The following CTNNA2 variants were observed in gnomAD, a reference collection of about 807,000 sequenced individuals.
CTNNA2 encodes catenin alpha 2.
CTNNA2 carries 42 observed loss-of-function variants against 101.0 expected under a neutral mutation model. The observed-to-expected ratio is 0.42, with a 90% CI of 0.32 to 0.54. CTNNA2 has a LOEUF of 0.54. Ranked by LOEUF, CTNNA2 falls within the 20% of genes least tolerant of loss-of-function variation. CTNNA2 has a pLI of 0.14. For missense variants in CTNNA2, 871 were observed against 1,223.1 expected, an observed-to-expected ratio of 0.71 and a Z score of 4.29; for synonymous variants, 450 against 456.4, an observed-to-expected ratio of 0.99 and a Z score of 0.18.
intron 2 of CTNNA2, among the ~76,000 whole-genome samples, chr2:79,301,927 CAA>C (rs1416015118): frequency 6.6e-6 from 1 of 151,766 alleles, no homozygotes; most frequent in African/African-American, 2.4e-5. Context: ...TCTGTCTCTA[CAA>C]AAAATACAAA....
intron 2 of CTNNA2, among the ~76,000 whole-genome samples, chr2:79,692,805 T>A (rs1198675920): frequency 7.1e-6 from 1 of 140,038 alleles, no homozygotes. Flanking sequence ...TTCTCACTCA[T>A]AAGTAGGAGT....
At chr2:79,428,760 A>C (rs1678619508) in intron 4 of CTNNA2, among the ~76,000 whole-genome samples, 1 of 152,176 alleles carries the variant, frequency 6.6e-6, no homozygotes, top group African/African-American at 2.4e-5. Flanking sequence ...TAAATGGGTC[A>C]GTAGATAGCT....
chr2:80,345,402 G>T (rs531025971), intron 7 of CTNNA2, among the ~76,000 whole-genome samples: 1 of 152,186 alleles, frequency 6.6e-6, no homozygotes, highest in African/African-American at 2.4e-5. Context: ...TTGCTCAAGT[G>T]GCACCTCCTC....
chr2:79,207,097 A>T (rs1674109692), intron 2 of CTNNA2, among the ~76,000 whole-genome samples: 1 of 152,218 alleles, frequency 6.6e-6, no homozygotes, highest in Non-Finnish European at 1.5e-5. Context: ...AGTGCCAGAT[A>T]TTCTATTAAA....
chr2:79,698,037 A>G (rs1036749926), intron 2 of CTNNA2: 1 of 152,084 alleles, frequency 6.6e-6, no homozygotes, highest in African/African-American at 2.4e-5. Flanking sequence ...GTGATAAAAT[A>G]TTCCTGTCCA....
intron 7 of CTNNA2, among the ~76,000 whole-genome samples, chr2:80,248,737 G>T (rs187342428): frequency 6.8e-4 from 103 of 152,208 alleles, no homozygotes; most frequent in African/African-American, 2.3e-3. Context: ...CACTGTGGGT[G>T]GTAGCAAATA....
intron 1 of CTNNA2, among the ~76,000 whole-genome samples, chr2:79,521,472 A>T (rs1023246493): frequency 1.3e-5 from 2 of 152,026 alleles, no homozygotes; most frequent in African/African-American, 4.8e-5. Flanking sequence ...GCCAGCACTG[A>T]ATCACATGGA....
chr2:79,694,803 T>C (rs933119990), intron 2 of CTNNA2, among the ~76,000 whole-genome samples: 1 of 151,958 alleles, frequency 6.6e-6, no homozygotes, highest in Non-Finnish European at 1.5e-5. Context: ...AGTGGCTTCC[T>C]TAAATCTTCT....
At chr2:79,397,641 C>T (rs1678247338) in intron 4 of CTNNA2, among the ~76,000 whole-genome samples, 1 of 151,924 alleles carries the variant, frequency 6.6e-6, no homozygotes, top group African/African-American at 2.4e-5. Flanking sequence ...GCTCTCAAGT[C>T]TGTTTGTTAA....
At chr2:79,947,465 A>G (rs1408776570) in intron 7 of CTNNA2, among the ~76,000 whole-genome samples, 2 of 152,202 alleles carry the variant, frequency 1.3e-5, no homozygotes, top group Admixed American at 1.3e-4. Flanking sequence ...GTGCTCATAT[A>G]ACAGACAGGA....
chr2:79,689,355 C>G (rs1042905581), intron 2 of CTNNA2, among the ~76,000 whole-genome samples: 1 of 151,918 alleles, frequency 6.6e-6, no homozygotes, highest in Non-Finnish European at 1.5e-5. Flanking sequence ...TCACAAGACT[C>G]TGGGCTTTTA....
intron 8 of CTNNA2, among the ~76,000 whole-genome samples, chr2:80,408,205 C>T (rs770436227): frequency 2.6e-5 from 4 of 152,114 alleles, no homozygotes; most frequent in Admixed American, 6.6e-5. Context: ...TTATAATAGA[C>T]GTTCTTCTAA....
At chr2:79,505,223 G>A (rs1671385746) in intron 5 of CTNNA2, 2 of 152,176 alleles carry the variant, frequency 1.3e-5, no homozygotes, top group Non-Finnish European at 1.5e-5. Context: ...CCTAGCAGCA[G>A]TAGATGTTTC....
At chr2:80,199,009 C>T (rs1031490807) in intron 7 of CTNNA2, among the ~76,000 whole-genome samples, 16 of 151,598 alleles carry the variant, frequency 1.1e-4, no homozygotes, top group South Asian at 2.1e-4. Flanking sequence ...AGTGAAACCC[C>T]GTCTCTACTA....
chr2:80,570,632 G>C (rs186026089), intron 12 of CTNNA2, among the ~76,000 whole-genome samples: 1 of 152,128 alleles, frequency 6.6e-6, no homozygotes, highest in Non-Finnish European at 1.5e-5. Flanking sequence ...AATATAATAA[G>C]ATGGTTTAAA....
At chr2:80,577,010 A>G (rs896322849) in intron 13 of CTNNA2, among the ~76,000 whole-genome samples, 5 of 152,098 alleles carry the variant, frequency 3.3e-5, no homozygotes, top group South Asian at 2.1e-4. Flanking sequence ...TGAATTCTGT[A>G]TGAAATATGT....
intron 7 of CTNNA2, among the ~76,000 whole-genome samples, chr2:80,043,121 C>CT (rs1696262542): frequency 1.8e-4 from 3 of 16,958 alleles, no homozygotes; most frequent in Non-Finnish European, 3.6e-4. Context: ...CTTTCTTTCT[C>CT]CTTCCTTCCT....
At position 79,254,847 on chromosome 2, in the gene CTNNA2, T is replaced by A. The variant is rs547282842; in HGVS notation, c.-406+56771T>A. On this transcript the variant is annotated intron_variant, in intron 2 of 21. Transcript: ENST00000466387. Reference sequence around the variant, plus strand: ...ATAAGATATCCTACCTTTATTAAAGTGCCTAGCGCCCACAAATAGGAAGGA... The same window carrying A: ...ATAAGATATCCTACCTTTATTAAAGAGCCTAGCGCCCACAAATAGGAAGGA... 1.2e-4 allele frequency among the ~76,000 whole-genome samples: 19 copies of A among 152,294 alleles called. 1 individual carries two copies. The South Asian group carries it at 3.7e-3, about 30-fold the overall frequency.
intron 1 of CTNNA2, among the ~76,000 whole-genome samples, chr2:79,542,685 C>A (rs1673495546): frequency 6.6e-6 from 1 of 152,248 alleles, no homozygotes; most frequent in Non-Finnish European, 1.5e-5. Flanking sequence ...ACACTATTAG[C>A]AAATTCTTAT....
Sources: allele counts gnomAD v4.1 joint callset (sites outside exome capture counted in the v4.1 genomes callset), GRCh38; gene constraint gnomAD v4.1.1; transcripts MANE v1.5; gene names NCBI Gene and HGNC (gene_info 2026-07-23, HGNC 2026-07-21).